The following PDE8B variants were observed in gnomAD, a reference collection of about 807,000 sequenced individuals.
PDE8B encodes phosphodiesterase 8B.
PDE8B carries 26 observed loss-of-function variants against 101.3 expected under a neutral mutation model. The ratio of observed to expected loss-of-function variants is 0.26; its 90% CI spans 0.19 to 0.36. The LOEUF (loss-of-function observed/expected upper bound fraction) is 0.36. PDE8B is among the 10% of genes least tolerant of loss of function. The probability of loss-of-function intolerance (pLI) is 1.00; values close to 1 mark genes in which losing one functional copy is unlikely to be tolerated. For synonymous variants in PDE8B, 424 were observed against 429.3 expected (o/e 0.99, Z 0.15); for missense variants, 810 against 1,163.1 (o/e 0.70, Z 4.42).
At chr5:77,258,393 G>T (rs1436937444) in intron 1 of PDE8B, among the ~76,000 whole-genome samples, 4 of 152,040 alleles carry the variant, frequency 2.6e-5, no homozygotes, top group Non-Finnish European at 5.9e-5. Flanking sequence ...ATAGGCAGGG[G>T]CAGGGGCTAG....
In PDE8B at chr5:77,277,328, T is replaced by C. The variant is rs76477196; in HGVS notation, c.340-34666T>C. ...AAAGGATTTTAGGAAACACCTATTA[T>C]CTATGACTGGGGTTGTCAGAATGCA... On this transcript the variant is annotated intron_variant, in intron 1 of 21. Coordinates refer to ENST00000264917, the MANE Select transcript of PDE8B (RefSeq NM_003719.5). 4.1e-3 allele frequency among the ~76,000 whole-genome samples: 628 copies of C among 152,338 alleles called. 6 individuals carry two copies. Among genetic ancestry groups the C allele is most frequent in the African/African-American group, 0.014 (592 of 41,576 alleles).
At chr5:77,277,611 T>C (rs1388565105) in intron 1 of PDE8B, among the ~76,000 whole-genome samples, 1 of 152,218 alleles carries the variant, frequency 6.6e-6, no homozygotes, top group Non-Finnish European at 1.5e-5. Context: ...AAAATCTGTG[T>C]CCTGTTTTTG....
chr5:77,120,832 G>A, the PDE8B span, among the ~76,000 whole-genome samples: 1 of 152,212 alleles, frequency 6.6e-6, no homozygotes, highest in Non-Finnish European at 1.5e-5. Flanking sequence ...ACATTTATCT[G>A]TTGGCTTCTT....
chr5:77,172,133 G>A, the PDE8B span, among the ~76,000 whole-genome samples: 1 of 152,130 alleles, frequency 6.6e-6, no homozygotes, highest in Non-Finnish European at 1.5e-5. Flanking sequence ...AGATGAATGC[G>A]TGGATGGGGA....
At chr5:77,319,928 T>A (rs1051138814) in intron 2 of PDE8B, among the ~76,000 whole-genome samples, 1 of 152,162 alleles carries the variant, frequency 6.6e-6, no homozygotes, top group Non-Finnish European at 1.5e-5. Context: ...TAAATTTTTT[T>A]AAATACATAA....
intron 11 of PDE8B, among the ~76,000 whole-genome samples, chr5:77,401,364 T>C (rs1441163230): frequency 2.0e-5 from 3 of 152,250 alleles, no homozygotes; most frequent in Non-Finnish European, 4.4e-5. Flanking sequence ...CCACAAATTG[T>C]TCCAAGCATT....
chr5:77,372,740 T>G (rs966359291), intron 10 of PDE8B, among the ~76,000 whole-genome samples: 3 of 152,238 alleles, frequency 2.0e-5, no homozygotes, highest in Non-Finnish European at 2.9e-5. Context: ...ATCCTTTTAA[T>G]GTCTGTAGAC....
rs71594634 is a variant in PDE8B, at chr5:77,423,632, G to GTTTTTTTTTTTTTTTTTT, written c.2418+1654_2418+1671dup. On this transcript the variant is annotated intron_variant, in intron 20 of 21. Coordinates refer to ENST00000264917, the MANE Select transcript of PDE8B (RefSeq NM_003719.5). ...TGATGCTGGACTTTTGTTTTGTTTAGTTTTTTTTTTTTTTTTTTTTTTTTT... is the reference window on the plus strand; with the variant it reads ...TGATGCTGGACTTTTGTTTTGTTTAGTTTTTTTTTTTTTTTTTTTTTTTTTTTTTTTTTTTTTTTTTTT... Among the ~76,000 whole-genome samples, 109 of 74,032 alleles carry GTTTTTTTTTTTTTTTTTT rather than the reference G, an allele frequency of 1.5e-3. 23 individuals carry two copies. The highest frequency in any genetic ancestry group is 2.0e-3 in the Non-Finnish European group (76 of 38,398). The allele number at this position is 74,032 out of a possible 152,430, so 48.6% of individuals were successfully genotyped here. A position where few individuals can be genotyped will look rare whatever the true frequency, so the allele number is the denominator to read the frequency against.
chr5:77,105,947 T>C, the PDE8B span: 1 of 152,222 alleles, frequency 6.6e-6, no homozygotes, highest in Non-Finnish European at 1.5e-5. Flanking sequence ...GGTCTTTCCA[T>C]GTGCTTATTA....
chr5:77,113,647 G>A, the PDE8B span: 7 of 152,160 alleles, frequency 4.6e-5, no homozygotes, highest in African/African-American at 1.4e-4. Context: ...GGCAACAAAA[G>A]CCAAAATAGA....
intron 4 of PDE8B, 35 bp from the exon 5 acceptor site, chr5:77,331,367 T>C (rs1230559523): frequency 6.3e-7 from 1 of 1,592,270 alleles, no homozygotes; most frequent in Non-Finnish European, 8.6e-7. Context: ...CTGGTTTGTA[T>C]CTGCTGAGTG....
the PDE8B span, among the ~76,000 whole-genome samples, chr5:77,122,490 C>T: frequency 6.6e-6 from 1 of 152,208 alleles, no homozygotes; most frequent in Non-Finnish European, 1.5e-5. Flanking sequence ...GAAAGTGGGA[C>T]AATTAATTCA....
intron 8 of PDE8B, among the ~76,000 whole-genome samples, chr5:77,350,712 A>G (rs553503662): frequency 6.6e-6 from 1 of 152,252 alleles, no homozygotes; most frequent in East Asian, 1.9e-4. Context: ...CCACCTGTAA[A>G]TTTAGTATGA....
intron 19 of PDE8B, among the ~76,000 whole-genome samples, chr5:77,421,599 T>TGG (rs1796654219): frequency 6.6e-6 from 1 of 152,056 alleles, no homozygotes; most frequent in South Asian, 2.1e-4. Context: ...ACTCTGTGTG[T>TGG]GTGTGTATTG....
At chr5:77,371,780 CA>C (rs2150685700) in intron 10 of PDE8B, among the ~76,000 whole-genome samples, 1 of 152,252 alleles carries the variant, frequency 6.6e-6, no homozygotes, top group African/African-American at 2.4e-5. Flanking sequence ...AAGTAGTTTT[CA>C]GTATAGAAGT....
chr5:77,356,640 G>T (rs529009119), intron 10 of PDE8B, among the ~76,000 whole-genome samples: 1 of 152,218 alleles, frequency 6.6e-6, no homozygotes, highest in South Asian at 2.1e-4. Flanking sequence ...ATGTTGGCCA[G>T]GCTGGTCTTG....
At chr5:77,385,796 T>G (rs1788444117) in intron 10 of PDE8B, among the ~76,000 whole-genome samples, 1 of 22,874 alleles carries the variant, frequency 4.4e-5, no homozygotes, top group Admixed American at 2.8e-4. Context: ...GTGAGTGAGG[T>G]TTTTTTTTTT....
the PDE8B span, among the ~76,000 whole-genome samples, chr5:77,121,165 A>G: frequency 6.6e-6 from 1 of 152,202 alleles, no homozygotes; most frequent in Non-Finnish European, 1.5e-5. Flanking sequence ...GTTCTAGCTC[A>G]GGGTCTGCCA....
the PDE8B span, among the ~76,000 whole-genome samples, chr5:77,125,401 G>T: frequency 6.6e-6 from 1 of 152,164 alleles, no homozygotes; most frequent in Admixed American, 6.5e-5. Flanking sequence ...AAAGCAGTTT[G>T]GTGGTTCTTC....
Sources: allele counts gnomAD v4.1 joint callset (sites outside exome capture counted in the v4.1 genomes callset), GRCh38; gene constraint gnomAD v4.1.1; transcripts MANE v1.5; gene names NCBI Gene and HGNC (gene_info 2026-07-23, HGNC 2026-07-21).